The following ADCY8 variants were observed in gnomAD, a reference collection of about 807,000 sequenced individuals.
The protein encoded by ADCY8 is adenylate cyclase 8.
ADCY8 carries 51 observed loss-of-function variants against 119.7 expected under a neutral mutation model. That is an observed-to-expected ratio of 0.43 (90% CI 0.34 to 0.54). The LOEUF (loss-of-function observed/expected upper bound fraction) is 0.54. Among genes scored for constraint, ADCY8 ranks in the 20% least tolerant of loss-of-function variants. The pLI, the probability that ADCY8 is intolerant of heterozygous loss-of-function variation, is 0.03. For synonymous variants in ADCY8, 665 were observed against 651.0 expected, an observed-to-expected ratio of 1.02 and a Z score of -0.33; for missense variants, 1,383 against 1,598.8, an observed-to-expected ratio of 0.87 and a Z score of 2.30.
intron 9 of ADCY8, among the ~76,000 whole-genome samples, chr8:130,858,721 G>C (rs1291030688): frequency 6.6e-6 from 1 of 152,154 alleles, no homozygotes; most frequent in African/African-American, 2.4e-5. Flanking sequence ...GACTTTCTCT[G>C]CATGGGAGAC....
intron 5 of ADCY8, among the ~76,000 whole-genome samples, chr8:130,923,919 G>A (rs895153454): frequency 6.6e-6 from 1 of 152,118 alleles, no homozygotes; most frequent in African/African-American, 2.4e-5. Flanking sequence ...TTATTATCTT[G>A]TTATTCTTAG....
In ADCY8 at chr8:131,040,427, G is replaced by A. The variant is rs1347705933; in HGVS notation, c.-94C>T. 2.9e-6 allele frequency: 4 copies of A among 1,370,878 alleles called. No homozygotes were observed. The highest frequency in any genetic ancestry group is 3.1e-5 in the Admixed American group (1 of 32,132). The allele number at this position is 1,370,878 out of a possible 1,614,324, so 84.9% of individuals were successfully genotyped here. ...TCAAAGGCGGCCTGGTAGGAGCTTG[G>A]CAAGGATCCTTTTTATCCTAGGCTG... On this transcript the variant is annotated 5_prime_UTR_variant, in exon 1 of 18. Coordinates refer to ENST00000286355, the MANE Select transcript of ADCY8 (RefSeq NM_001115.3).
intron 17 of ADCY8, among the ~76,000 whole-genome samples, chr8:130,781,341 C>T (rs1815072687): frequency 2.0e-5 from 3 of 152,288 alleles, no homozygotes; most frequent in East Asian, 1.9e-4. Context: ...AGCATCATTC[C>T]CTTGGTCCAT....
At chr8:130,987,810 A>G (rs1202422690) in intron 2 of ADCY8, among the ~76,000 whole-genome samples, 1 of 152,198 alleles carries the variant, frequency 6.6e-6, no homozygotes, top group Non-Finnish European at 1.5e-5. Context: ...GTTGCTATGC[A>G]CTTAAGGAGA....
At chr8:131,009,397 C>T (rs553413255) in intron 1 of ADCY8, among the ~76,000 whole-genome samples, 9 of 152,276 alleles carry the variant, frequency 5.9e-5, no homozygotes, top group African/African-American at 2.2e-4. Context: ...GGGTGGTTTC[C>T]CCCTTTTCCC....
chr8:130,930,202 C>T (rs1424518595), intron 5 of ADCY8, among the ~76,000 whole-genome samples: 1 of 151,576 alleles, frequency 6.6e-6, no homozygotes, highest in East Asian at 1.9e-4. Flanking sequence ...CTTTTGTCTT[C>T]CTCTGAGGTT....
intron 2 of ADCY8, among the ~76,000 whole-genome samples, chr8:130,962,907 T>C (rs1172222618): frequency 1.3e-5 from 2 of 152,234 alleles, no homozygotes; most frequent in African/African-American, 2.4e-5. Context: ...TTATTGTTGT[T>C]GATCACACAT....
At chr8:131,003,742 G>C (rs1823027227) in intron 1 of ADCY8, among the ~76,000 whole-genome samples, 1 of 152,136 alleles carries the variant, frequency 6.6e-6, no homozygotes, top group Admixed American at 6.6e-5. Context: ...TGGGACACAG[G>C]GCTTTATTTT....
At chr8:130,924,547 TC>T (rs1214870068) in intron 5 of ADCY8, among the ~76,000 whole-genome samples, 1 of 152,142 alleles carries the variant, frequency 6.6e-6, no homozygotes, top group Non-Finnish European at 1.5e-5. Context: ...ATATGTAATT[TC>T]CCCCTGTAAA....
At chr8:130,827,201 G>T (rs552144301) in intron 12 of ADCY8, among the ~76,000 whole-genome samples, 1 of 152,290 alleles carries the variant, frequency 6.6e-6, no homozygotes, top group Non-Finnish European at 1.5e-5. Context: ...CTTCATTAAG[G>T]TTTCCCTTTT....
At chr8:130,863,883 T>G (rs1818027693) in intron 9 of ADCY8, among the ~76,000 whole-genome samples, 3 of 152,182 alleles carry the variant, frequency 2.0e-5, no homozygotes, top group Admixed American at 2.0e-4. Flanking sequence ...AAGATTAAGA[T>G]AAAAACATTT....
chr8:130,952,054 G>A (rs56152625), intron 2 of ADCY8, 56 bp from the exon 3 acceptor site: 21,522 of 1,596,790 alleles, frequency 0.013, 193 homozygotes, highest in Middle Eastern at 0.025. Context: ...TCTCAGATGG[G>A]AGGGTGGAGG....
At chr8:130,912,283 C>T (rs940887769) in intron 5 of ADCY8, among the ~76,000 whole-genome samples, 1 of 152,124 alleles carries the variant, frequency 6.6e-6, no homozygotes, top group Non-Finnish European at 1.5e-5. Context: ...TGTATGTTCC[C>T]CTCTTAAGAT....
At chr8:130,787,657 GTGA>G (rs1563664047) in intron 15 of ADCY8, among the ~76,000 whole-genome samples, 3 of 152,188 alleles carry the variant, frequency 2.0e-5, no homozygotes, top group South Asian at 4.1e-4. Context: ...GTGTGCATGT[GTGA>G]TGTTTATGTG....
chr8:130,964,782 A>G lies in ADCY8; in HGVS notation c.1111-12784T>C, dbSNP rs562831144. Among the ~76,000 whole-genome samples, 33 of 152,340 alleles carry G rather than the reference A, an allele frequency of 2.2e-4. No individual in the cohort carries two copies. In the South Asian group the frequency reaches 6.8e-3, roughly 32 times the overall value. On this transcript the variant is annotated intron_variant, in intron 2 of 17. Transcript: ENST00000286355. ...TGAACTAACTTACATTTCTACCAAC[A>G]ATCTATGACAATATATGAGCATTCC... is the stretch of plus-strand genomic sequence containing the variant.
At chr8:131,038,649 G>T (rs531965076) in intron 1 of ADCY8, among the ~76,000 whole-genome samples, 1 of 152,230 alleles carries the variant, frequency 6.6e-6, no homozygotes, top group South Asian at 2.1e-4. Context: ...AATATTTAAA[G>T]CATCTACATC....
At chr8:130,794,087 C>T (rs1351661534) in intron 15 of ADCY8, among the ~76,000 whole-genome samples, 1 of 152,128 alleles carries the variant, frequency 6.6e-6, no homozygotes, top group Non-Finnish European at 1.5e-5. Context: ...AAATTGGAAT[C>T]ATGCTGCCAC....
chr8:130,837,622 A>C (rs1817028793), intron 11 of ADCY8, among the ~76,000 whole-genome samples: 1 of 152,186 alleles, frequency 6.6e-6, no homozygotes, highest in African/African-American at 2.4e-5. Context: ...TCAGCCTTTT[A>C]TGGGAAGCTC....
At chr8:130,973,669 G>T (rs559658704) in intron 2 of ADCY8, among the ~76,000 whole-genome samples, 3 of 152,268 alleles carry the variant, frequency 2.0e-5, no homozygotes, top group African/African-American at 7.2e-5. Context: ...AAAGATAATT[G>T]ATACAATGAA....
Sources: allele counts gnomAD v4.1 joint callset (sites outside exome capture counted in the v4.1 genomes callset), GRCh38; gene constraint gnomAD v4.1.1; transcripts MANE v1.5; gene names NCBI Gene and HGNC (gene_info 2026-07-23, HGNC 2026-07-21).